Variants in PYY observed in about 807,000 individuals in gnomAD.
PYY encodes the protein peptide YY, also known as peptide tyrosine tyrosine.
A neutral mutation model predicts 10.3 loss-of-function variants in PYY; 12 were observed. That is an observed-to-expected ratio of 1.17 (90% CI 0.75 to 1.89). The LOEUF (loss-of-function observed/expected upper bound fraction) is 1.89. PYY is among the 40% of genes most tolerant of loss of function. PYY has a pLI of 0.00. For synonymous variants in PYY, 66 were observed against 62.0 expected (o/e 1.06, Z -0.30); for missense variants, 141 against 134.0 (o/e 1.05, Z -0.26).
intron 2 of PYY, among the ~76,000 whole-genome samples, chr17:43,963,053 T>C (rs2048723462): frequency 6.6e-6 from 1 of 152,192 alleles, no homozygotes; most frequent in South Asian, 2.1e-4. Context: ...AAAGCCACCG[T>C]CATTTTCACA....
At chr17:43,977,035 T>A (rs2048853895) in intron 1 of PYY, among the ~76,000 whole-genome samples, 1 of 152,074 alleles carries the variant, frequency 6.6e-6, no homozygotes, top group South Asian at 2.1e-4. Context: ...CCATATATGC[T>A]TCTCCCCAGT....
chr17:43,975,447 C>A (rs1442668910), intron 1 of PYY, among the ~76,000 whole-genome samples: 3 of 152,078 alleles, frequency 2.0e-5, no homozygotes, highest in Admixed American at 6.6e-5. Context: ...GTGGCTCTTA[C>A]CTGTAATCCT....
chr17:43,960,269 G>A (rs1164290507), intron 2 of PYY, among the ~76,000 whole-genome samples: 3 of 152,160 alleles, frequency 2.0e-5, no homozygotes, highest in African/African-American at 4.8e-5. Context: ...TTGGCCGGGC[G>A]CGGTAGCTCA....
exon 2 of PYY, chr17:43,966,510 G>A (rs2048756770): frequency 6.6e-6 from 1 of 152,250 alleles, no homozygotes; most frequent in Non-Finnish European, 1.5e-5. Flanking sequence ...ATAAAGGGCT[G>A]AACTTGCCTG....
chr17:43,969,086 C>T (rs1197896299), intron 1 of PYY, among the ~76,000 whole-genome samples: 4 of 151,726 alleles, frequency 2.6e-5, no homozygotes, highest in Admixed American at 1.3e-4. Context: ...CCAGTCTGGG[C>T]GATAGGGTGT....
At chr17:43,970,201 TAAA>T (rs59609569) in intron 1 of PYY, among the ~76,000 whole-genome samples, 82 of 95,568 alleles carry the variant, frequency 8.6e-4, no homozygotes, top group Middle Eastern at 7.2e-3. Flanking sequence ...CCCTGTCTCT[TAAA>T]AAAAAAAAAA....
intron 1 of PYY, among the ~76,000 whole-genome samples, chr17:43,995,576 G>A (rs1158446377): frequency 1.3e-5 from 2 of 152,174 alleles, no homozygotes; most frequent in Non-Finnish European, 2.9e-5. Flanking sequence ...GCTCACGCCT[G>A]TAATCCCAGT....
intron 1 of PYY, among the ~76,000 whole-genome samples, chr17:43,978,464 T>C (rs1597852780): frequency 6.6e-6 from 1 of 152,256 alleles, no homozygotes; most frequent in East Asian, 1.9e-4. Flanking sequence ...AAGACCAGTC[T>C]GGACAATGTA....
At position 43,992,583 on chromosome 17, in the gene PYY, T is replaced by C. The variant is rs534067194; in HGVS notation, c.-463+11808A>G. On this transcript the variant is annotated intron_variant, in intron 1 of 6. Transcript: ENST00000360085. ...TTAGCCGGGTGTGGTGGTGCATGCC[T>C]GTAATTCCAGCTACTCGGGAGGCTG... is the stretch of plus-strand genomic sequence containing the variant. Among the ~76,000 whole-genome samples the C allele has an allele frequency of 2.0e-5, 3 of 152,044 alleles. No homozygotes were observed. In the South Asian group the frequency reaches 6.2e-4, roughly 32 times the overall value.
intron 1 of PYY, among the ~76,000 whole-genome samples, chr17:43,980,619 G>A (rs1214573310): frequency 6.6e-6 from 1 of 151,482 alleles, no homozygotes; most frequent in Non-Finnish European, 1.5e-5. Flanking sequence ...GATTACAGGT[G>A]CCCACCACCA....
chr17:43,956,880 C>G (rs2048675610), upstream of PYY, among the ~76,000 whole-genome samples: 1 of 152,178 alleles, frequency 6.6e-6, no homozygotes, highest in South Asian at 2.1e-4. Context: ...TGCCCAGGGT[C>G]CTAGAGATAG....
At chr17:43,983,295 G>A (rs936878484) in intron 1 of PYY, among the ~76,000 whole-genome samples, 2 of 152,168 alleles carry the variant, frequency 1.3e-5, no homozygotes, top group Admixed American at 1.3e-4. Flanking sequence ...AGGAGACAGG[G>A]ACAAGGAGGG....
intron 1 of PYY, among the ~76,000 whole-genome samples, chr17:43,966,897 C>G (rs545241204): frequency 1.3e-5 from 2 of 152,210 alleles, no homozygotes; most frequent in Non-Finnish European, 2.9e-5. Context: ...GGTTTACACA[C>G]AGGCACATAC....
chr17:43,976,179 A>ACATATCTACG (rs1301465473), intron 1 of PYY, among the ~76,000 whole-genome samples: 1 of 84,748 alleles, frequency 1.2e-5, no homozygotes, highest in African/African-American at 1.2e-4. Context: ...ATATATGTAT[A>ACATATCTACG]TATACGTATA....
intron 1 of PYY, among the ~76,000 whole-genome samples, chr17:44,002,270 C>T (rs2049033580): frequency 6.6e-6 from 1 of 152,178 alleles, no homozygotes; most frequent in Non-Finnish European, 1.5e-5. Flanking sequence ...CTCACTCGGC[C>T]TCCCCTGGAG....
upstream of PYY, among the ~76,000 whole-genome samples, chr17:43,955,169 A>G (rs1333183641): frequency 2.6e-5 from 4 of 152,300 alleles, no homozygotes; most frequent in South Asian, 8.3e-4. Context: ...GGACCTTCAG[A>G]CTGCCAACCC....
At chr17:43,977,171 C>T (rs192569402) in intron 1 of PYY, among the ~76,000 whole-genome samples, 4 of 152,218 alleles carry the variant, frequency 2.6e-5, no homozygotes, top group Admixed American at 6.5e-5. Context: ...TGGCCTTCAG[C>T]GGGGCAGGGA....
At chr17:43,991,227 C>T (rs539709492) in intron 1 of PYY, among the ~76,000 whole-genome samples, 2 of 151,514 alleles carry the variant, frequency 1.3e-5, no homozygotes, top group South Asian at 2.1e-4. Context: ...GTCAGGAGTT[C>T]GAGACTACCC....
At chr17:43,979,316 C>G (rs1414229906) in intron 1 of PYY, among the ~76,000 whole-genome samples, 1 of 152,214 alleles carries the variant, frequency 6.6e-6, no homozygotes, top group Non-Finnish European at 1.5e-5. Flanking sequence ...CTGCTGCACA[C>G]TTAAATTTGA....
Sources: gnomAD v4.1 joint callset for allele counts (sites outside exome capture counted in the v4.1 genomes callset) on GRCh38, gnomAD v4.1.1 for gene constraint, MANE v1.5 for transcripts, NCBI Gene and HGNC (gene_info 2026-07-23, HGNC 2026-07-21) for gene names.